PCDHGA1: variants seen among roughly 807,000 people sequenced by gnomAD.
PCDHGA1 encodes protocadherin gamma subfamily A, 1.
In PCDHGA1, 32 loss-of-function variants were observed where a neutral mutation model predicts 58.0. That is an observed-to-expected ratio of 0.55 (90% CI 0.42 to 0.74). PCDHGA1 has a LOEUF of 0.74. Ranked by LOEUF, PCDHGA1 falls within the 30% of genes least tolerant of loss-of-function variation. PCDHGA1 has a pLI of 0.00. For synonymous variants in PCDHGA1, 498 were observed against 501.1 expected (o/e 0.99, Z 0.08); for missense variants, 1,205 against 1,182.3 (o/e 1.02, Z -0.28).
intron 1 of PCDHGA1, chr5:141,428,368 C>A (rs1403173774): frequency 1.3e-5 from 7 of 544,884 alleles, no homozygotes; most frequent in Non-Finnish European, 2.4e-5. Flanking sequence ...GGTCGCCTTG[C>A]ACCTGCGATG....
rs994726301 is a variant in PCDHGA1, at chr5:141,476,632, T to C, written c.2422-18175T>C. ...TGGGAAGCAACTCTTTACAAACCTA[T>C]GAGCTGAGCCGAAATGAATACTTTG... On this transcript the variant is annotated intron_variant, in intron 1 of 3. Transcript: ENST00000517417. The surrounding 1 kb of genome is among the most constrained non-coding windows in gnomAD (Gnocchi z 7.6). The C allele has an allele frequency of 8.7e-6, 14 of 1,614,098 alleles. No homozygotes were observed. Among genetic ancestry groups the C allele is most frequent in the Admixed American group, 1.7e-5 (1 of 60,016 alleles).
chr5:141,506,645 A>G (rs1229614297), intron 3 of PCDHGA1, among the ~76,000 whole-genome samples: 3 of 152,188 alleles, frequency 2.0e-5, no homozygotes, highest in African/African-American at 7.2e-5. Context: ...CCCTCAGCAC[A>G]GGATTGGCAG....
intron 1 of PCDHGA1, chr5:141,382,967 C>T (rs779802932): frequency 6.2e-7 from 1 of 1,609,176 alleles, no homozygotes; most frequent in Non-Finnish European, 8.5e-7. Context: ...CTGGGGACCC[C>T]CTGGGAAGCC....
chr5:141,478,445 G>C (rs773567457), intron 1 of PCDHGA1: 1 of 1,613,570 alleles, frequency 6.2e-7, no homozygotes, highest in Non-Finnish European at 8.5e-7. Flanking sequence ...GAAGAAACCT[G>C]GTGCAGCCAG....
chr5:141,370,057 C>T (rs180898728), intron 1 of PCDHGA1, among the ~76,000 whole-genome samples: 2 of 152,150 alleles, frequency 1.3e-5, no homozygotes, highest in Non-Finnish European at 2.9e-5. Flanking sequence ...TTTAAAAGTC[C>T]TTTTAAAATG....
At chr5:141,505,028 G>A (rs2099842951) in intron 2 of PCDHGA1, among the ~76,000 whole-genome samples, 1 of 152,164 alleles carries the variant, frequency 6.6e-6, no homozygotes, top group Admixed American at 6.5e-5. Flanking sequence ...CTGGCACAGT[G>A]GCAGGTGCCT....
At chr5:141,418,478 G>T (rs777772131) in intron 1 of PCDHGA1, 1 of 1,613,858 alleles carries the variant, frequency 6.2e-7, no homozygotes, top group Non-Finnish European at 8.5e-7. Flanking sequence ...AACGCAGAGC[G>T]CTCACCACTT....
chr5:141,408,918 C>G, intron 1 of PCDHGA1: 1 of 1,613,408 alleles, frequency 6.2e-7, no homozygotes, highest in Non-Finnish European at 8.5e-7. Flanking sequence ...AATGATAACC[C>G]CCCGGTTTTC....
intron 1 of PCDHGA1, among the ~76,000 whole-genome samples, chr5:141,397,505 T>A (rs2093531906): frequency 6.6e-6 from 1 of 152,158 alleles, no homozygotes; most frequent in South Asian, 2.1e-4. Context: ...ATGATAAAAT[T>A]GTTTCCATAG....
At chr5:141,446,830 A>G (rs1289946397) in intron 1 of PCDHGA1, among the ~76,000 whole-genome samples, 1 of 152,176 alleles carries the variant, frequency 6.6e-6, no homozygotes, top group Non-Finnish European at 1.5e-5. Flanking sequence ...GTAGATCCTT[A>G]TAAGGCTGAG....
At chr5:141,481,618 G>C (rs1339565594) in intron 1 of PCDHGA1, among the ~76,000 whole-genome samples, 1 of 152,142 alleles carries the variant, frequency 6.6e-6, no homozygotes, top group African/African-American at 2.4e-5. Context: ...AGGAGTTCAA[G>C]ACCGGCCTGG....
intron 1 of PCDHGA1, chr5:141,388,961 G>C: frequency 6.2e-7 from 1 of 1,614,042 alleles, no homozygotes; most frequent in Non-Finnish European, 8.5e-7. Flanking sequence ...AGGACGCCGA[G>C]CTGGGAACAC....
Position 141,331,218 on chromosome 5 carries a change from C to G in PCDHGA1, c.534C>G (p.Phe178Leu). The G allele has an allele frequency of 1.2e-6, 2 of 1,614,108 alleles. No homozygotes were observed. Among genetic ancestry groups the G allele is most frequent in the Non-Finnish European group, 1.7e-6 (2 of 1,180,036 alleles). The change falls in exon 1 of 4, where the codon TTC becomes TTG. Residue 178 changes from phenylalanine to leucine, a missense_variant. Coordinates refer to ENST00000517417, the MANE Select transcript of PCDHGA1 (RefSeq NM_018912.3). ...QSYQLSSNPH[F>L]SLDVQQGADG... The stretch of plus-strand genomic sequence containing the variant: ...ACCAACTCAGCTCTAACCCTCATTT[C>G]TCCCTGGATGTGCAACAGGGAGCCG...
intron 1 of PCDHGA1, chr5:141,428,160 T>C (rs761366261): frequency 6.4e-7 from 1 of 1,572,286 alleles, no homozygotes; most frequent in Non-Finnish European, 8.7e-7. Context: ...AACCTGCTGG[T>C]TGCTGTGCGT....
Position 141,432,502 on chromosome 5 carries a change from C to T in PCDHGA1, c.2422-62305C>T. On this transcript the variant is annotated intron_variant, in intron 1 of 3. Transcript: ENST00000517417. This position sits in a 1 kb window ranked among gnomAD's most constrained non-coding sequence, Gnocchi z 6.0. ...CTGGCGTGGAGCTGGCTCCCCGCTC[C>T]GCAGAGCCCGGCTACCTGGTGACCA... 6.2e-7 allele frequency: 1 copy of T among 1,614,142 alleles called. No individual in the cohort carries two copies. The highest frequency in any genetic ancestry group is 8.5e-7 in the Non-Finnish European group (1 of 1,180,042).
intron 1 of PCDHGA1, among the ~76,000 whole-genome samples, chr5:141,484,797 G>C (rs1228143036): frequency 6.6e-6 from 1 of 152,064 alleles, no homozygotes; most frequent in Non-Finnish European, 1.5e-5. Flanking sequence ...ATAACAACCC[G>C]TGGAAAAACA....
chr5:141,404,828 G>T, intron 1 of PCDHGA1: 1 of 1,609,938 alleles, frequency 6.2e-7, no homozygotes, highest in Non-Finnish European at 8.5e-7. Flanking sequence ...CACAGGTGAA[G>T]TGCGCACAGC....
chr5:141,417,791 C>G, intron 1 of PCDHGA1: 1 of 1,482,658 alleles, frequency 6.7e-7, no homozygotes, highest in Non-Finnish European at 9.0e-7. Context: ...GCCGAATGCT[C>G]TTTTAGCGCG....
rs1423427104 is a variant in PCDHGA1, at chr5:141,417,737, C to T, written c.2422-77070C>T. 5 of 1,407,068 alleles carry T rather than the reference C, an allele frequency of 3.6e-6. No homozygotes were observed. In the African/African-American group the frequency reaches 7.2e-5, roughly 20 times the overall value. 87.2% of individuals were successfully genotyped at this position (1,407,068 alleles called of 1,614,324 possible). ...CCGGCTGCGCAGACCTTGCCCAGCA[C>T]ACCAGATTGCCAGCTCCGAGACCCG... is the stretch of plus-strand genomic sequence containing the variant. On this transcript the variant is annotated intron_variant, in intron 1 of 3. Transcript: ENST00000517417.
Sources: allele counts gnomAD v4.1 joint callset (sites outside exome capture counted in the v4.1 genomes callset), GRCh38; gene constraint gnomAD v4.1.1; non-coding constraint Gnocchi (gnomAD v3.1); transcripts MANE v1.5; gene names NCBI Gene and HGNC (gene_info 2026-07-23, HGNC 2026-07-21).